Variants in FANCA observed in about 807,000 individuals in gnomAD.
The protein encoded by FANCA is FA complementation group A, also known as Fanconi anemia group A protein.
A neutral mutation model predicts 194.3 loss-of-function variants in FANCA; 236 were observed. The observed-to-expected ratio is 1.21, with a 90% CI of 1.09 to 1.35. The LOEUF is 1.35. Ranked by LOEUF, FANCA falls within the 40% of genes most tolerant of loss-of-function variation. The probability of loss-of-function intolerance (pLI) is 0.00; values close to 1 mark genes in which losing one functional copy is unlikely to be tolerated. For missense variants in FANCA, 2,628 were observed against 1,813.9 expected (o/e 1.45, Z -8.15); for synonymous variants, 1,014 against 715.8 (o/e 1.42, Z -6.65).
rs772292788 is a variant in FANCA at position 89,803,176 on chromosome 16, T to C, written c.792+83A>G. 313 of 1,303,538 alleles carry C rather than the reference T, an allele frequency of 2.4e-4. 1 individual carries two copies. Among genetic ancestry groups the C allele is most frequent in the South Asian group, 2.5e-4 (21 of 85,074 alleles). 80.7% of individuals were successfully genotyped at this position (1,303,538 alleles called of 1,614,324 possible). A position where few individuals can be genotyped will look rare whatever the true frequency, so the allele number is the denominator to read the frequency against. ...AATAGGTACAAACAGCACGTTTCAA[T>C]AGAGAGACACGTAAATACATTTCAA... On this transcript the variant is annotated intron_variant, in intron 8 of 42. Transcript: ENST00000389301.
chr16:89,816,467 G>C, intron 1 of FANCA, 70 bp downstream of exon 1: 1 of 1,350,276 alleles, frequency 7.4e-7, no homozygotes, highest in African/African-American at 1.5e-5. Context: ...GGCGGGAAGG[G>C]ATCGGGGAAC....
chr16:89,793,844 G>A (rs1323828823), intron 11 of FANCA, among the ~76,000 whole-genome samples: 2 of 152,108 alleles, frequency 1.3e-5, no homozygotes, highest in African/African-American at 4.8e-5. Flanking sequence ...TCTGCCTCTC[G>A]GGTTCAAGCG....
chr16:89,784,423 A>T lies in FANCA; in HGVS notation c.1470+431T>A, dbSNP rs151292671. 1.5e-3 allele frequency among the ~76,000 whole-genome samples: 220 copies of T among 142,068 alleles called. 2 individuals carry two copies. The highest frequency in any genetic ancestry group is 2.7e-3 in the African/African-American group (102 of 37,620). 93.2% of individuals were successfully genotyped at this position (142,068 alleles called of 152,430 possible). A position where few individuals can be genotyped will look rare whatever the true frequency, so the allele number is the denominator to read the frequency against. ...CAAAAAAAAAACCCACATGAAATTAAAAAAAAAAAAAAAAAAGCAAACATG... is the reference window on the plus strand; with the variant it reads ...CAAAAAAAAAACCCACATGAAATTATAAAAAAAAAAAAAAAAGCAAACATG... On this transcript the variant is annotated intron_variant, in intron 15 of 42. Coordinates refer to ENST00000389301, the MANE Select transcript of FANCA (RefSeq NM_000135.4).
In FANCA at chr16:89,738,899, A is replaced by G; in HGVS notation, c.4243T>C (p.Phe1415Leu). ...QLIPRCPKKS[F>L]SHVAELLADR... ...GACGTTACCTCTGCCACGTGTGAGA[A>G]GCTCTTTTTCGGGCACCGAGGTATT... The change falls in exon 42 of 43, where the codon TTC becomes CTC. Residue 1415 changes from phenylalanine to leucine, a missense_variant. Phe to Leu is a conservative substitution (Grantham distance 22). Coordinates refer to ENST00000389301, the MANE Select transcript of FANCA (RefSeq NM_000135.4). The G allele has an allele frequency of 6.2e-7, 1 of 1,614,272 alleles. No homozygotes were observed. The highest frequency in any genetic ancestry group is 8.5e-7 in the Non-Finnish European group (1 of 1,180,052).
chr16:89,752,793 G>A (rs1189019271), intron 30 of FANCA, among the ~76,000 whole-genome samples: 1 of 152,194 alleles, frequency 6.6e-6, no homozygotes, highest in Admixed American at 6.5e-5. Context: ...CCAGCGTCTG[G>A]GAAGACGCCC....
In FANCA at chr16:89,746,844, G is replaced by A; in HGVS notation, c.3395C>T (p.Ala1132Val). 6.4e-7 allele frequency: 1 copy of A among 1,564,138 alleles called. No individual in the cohort carries two copies. The highest frequency in any genetic ancestry group is 8.7e-7 in the Non-Finnish European group (1 of 1,153,100). ...GGAGCATCTCACCCTGAAGAAGTGG[G>A]CAGTGATGTCCTGTGTCAGGGCACC... ...HGGALTQDIT[A>V]HFFRGLLNAC... The change falls in exon 34 of 43, where the codon GCC (alanine) becomes GTC (valine). Residue 1132 changes from alanine (A) to valine (V), a missense_variant. Coordinates refer to ENST00000389301, the MANE Select transcript of FANCA (RefSeq NM_000135.4).
At chr16:89,765,998 TA>T (rs1255744894) in intron 27 of FANCA, among the ~76,000 whole-genome samples, 1 of 148,784 alleles carries the variant, frequency 6.7e-6, no homozygotes, top group African/African-American at 2.5e-5. Context: ...ATTATTTATT[TA>T]TTTTTTTTTT....
In FANCA at chr16:89,749,882, C is replaced by T. The variant is rs35402142; in HGVS notation, c.3087G>A (p.Glu1029=). The change falls in exon 32 of 43, where the codon GAG becomes GAA. Residue 1029 remains glutamate, a synonymous_variant. Coordinates refer to ENST00000389301, the MANE Select transcript of FANCA (RefSeq NM_000135.4). ...SRLQEMVADL[E]LQQDLIVPLG... is the part of the protein sequence containing the mutation. ...GAGGCACTATGAGGTCTTGCTGCAG[C>T]TCCAGGTCAGCTACCATCTCCTGAA... 19 of 1,614,062 alleles carry T rather than the reference C, an allele frequency of 1.2e-5. No homozygotes were observed. The highest frequency in any genetic ancestry group is 1.6e-4 in the Middle Eastern group (1 of 6,064).
At chr16:89,809,049 G>A (rs1283306845) in intron 5 of FANCA, among the ~76,000 whole-genome samples, 2 of 152,002 alleles carry the variant, frequency 1.3e-5, no homozygotes, top group African/African-American at 4.8e-5. Context: ...GGGACTACAG[G>A]TGCCTGCCAC....
chr16:89,787,451 A>G (rs2039936279), intron 14 of FANCA, among the ~76,000 whole-genome samples: 1 of 152,090 alleles, frequency 6.6e-6, no homozygotes, highest in Non-Finnish European at 1.5e-5. Flanking sequence ...TGAACCCGGG[A>G]GGTGGTTACC....
At chr16:89,805,094 G>C (rs935391055) in intron 7 of FANCA, among the ~76,000 whole-genome samples, 186 bp downstream of exon 7, 7 of 152,178 alleles carry the variant, frequency 4.6e-5, no homozygotes, top group Non-Finnish European at 8.8e-5. Context: ...CGACTTACTA[G>C]TATTTCCACA....
chr16:89,739,842 A>C (rs957300434), intron 39 of FANCA, 152 bp downstream of exon 39: 4 of 1,502,452 alleles, frequency 2.7e-6, no homozygotes, highest in Non-Finnish European at 3.5e-6. Context: ...TTATTGCTTT[A>C]AACAAGTTTG....
intron 3 of FANCA, 110 bp from the exon 4 acceptor site, chr16:89,811,181 T>C: frequency 3.5e-6 from 5 of 1,447,624 alleles, no homozygotes; most frequent in Non-Finnish European, 2.9e-6. Context: ...CAAAAAAAAT[T>C]GCCTTTTAAA....
Position 89,791,878 on chromosome 16 carries a change from C to G in FANCA, c.1225+49G>C, listed in dbSNP as rs1317178275. On this transcript the variant is annotated intron_variant, in intron 13 of 42. Coordinates refer to ENST00000389301, the MANE Select transcript of FANCA (RefSeq NM_000135.4). ...GTCAGCTGGGACTCTGCTGACACCC[C>G]CCTACACACACTCTTGACCAGCACC... is the stretch of plus-strand genomic sequence containing the variant. 2.5e-6 allele frequency: 4 copies of G among 1,611,996 alleles called. No individual in the cohort carries two copies. In the East Asian group the frequency reaches 6.7e-5, roughly 27 times the overall value.
At chr16:89,791,321 A>C in intron 14 of FANCA, 82 bp downstream of exon 14, 1 of 1,548,838 alleles carries the variant, frequency 6.5e-7, no homozygotes, top group African/African-American at 1.4e-5. Flanking sequence ...ATGACAGAGA[A>C]TCAGGTGGGG....
chr16:89,760,530 A>G (rs2038917595), intron 29 of FANCA, among the ~76,000 whole-genome samples: 2 of 152,060 alleles, frequency 1.3e-5, no homozygotes. Flanking sequence ...ACCCACCAGG[A>G]TACTCCATAT....
chr16:89,784,529 C>T (rs910747214), intron 15 of FANCA, among the ~76,000 whole-genome samples: 15 of 151,932 alleles, frequency 9.9e-5, no homozygotes, highest in Non-Finnish European at 1.5e-4. Context: ...CGTCACCACT[C>T]AGACCTGCTC....
At chr16:89,811,177 A>C in intron 3 of FANCA, 106 bp from the exon 4 acceptor site, 1 of 1,475,160 alleles carries the variant, frequency 6.8e-7, no homozygotes, top group Non-Finnish European at 9.3e-7. Flanking sequence ...AGCACAAAAA[A>C]AATTGCCTTT....
chr16:89,799,588 C>T lies in FANCA; in HGVS notation c.826+17G>A, dbSNP rs371780854. 1.5e-5 allele frequency: 24 copies of T among 1,610,552 alleles called. No individual in the cohort carries two copies. The highest frequency in any genetic ancestry group is 1.9e-5 in the Non-Finnish European group (22 of 1,176,910). The stretch of plus-strand genomic sequence containing the variant: ...ACTAAGTCATTTACAGTCTGGGCTG[C>T]AGTGCAATTAACTTACAAATCAGCA... On this transcript the variant is annotated intron_variant, in intron 9 of 42. Coordinates refer to ENST00000389301, the MANE Select transcript of FANCA (RefSeq NM_000135.4).
Sources: gnomAD v4.1 joint callset for allele counts (sites outside exome capture counted in the v4.1 genomes callset) on GRCh38, gnomAD v4.1.1 for gene constraint, MANE v1.5 for transcripts, NCBI Gene and HGNC (gene_info 2026-07-23, HGNC 2026-07-21) for gene names.